ARB2A: variants seen among roughly 807,000 people sequenced by gnomAD.
The protein encoded by ARB2A is cotranscriptional regulator ARB2A.
the ARB2A span, among the ~76,000 whole-genome samples, chr5:93,962,623 CTG>C: frequency 6.6e-6 from 1 of 152,056 alleles, no homozygotes; most frequent in Non-Finnish European, 1.5e-5. Flanking sequence ...CACTCTCACT[CTG>C]AGATTTAAGA....
the ARB2A span, among the ~76,000 whole-genome samples, chr5:93,708,345 T>C: frequency 2.6e-5 from 4 of 152,210 alleles, no homozygotes; most frequent in Non-Finnish European, 5.9e-5. Context: ...ATGATAACAG[T>C]CTCATGTATG....
chr5:93,869,411 T>C, the ARB2A span, among the ~76,000 whole-genome samples: 1 of 152,136 alleles, frequency 6.6e-6, no homozygotes, highest in Non-Finnish European at 1.5e-5. Context: ...GGAGCTCAAT[T>C]TGAAGAATTA....
the ARB2A span, among the ~76,000 whole-genome samples, chr5:93,698,106 T>C: frequency 1.3e-5 from 2 of 152,214 alleles, no homozygotes; most frequent in Non-Finnish European, 2.9e-5. Flanking sequence ...GGTTGAAGTA[T>C]GTACCTTTAG....
the ARB2A span, among the ~76,000 whole-genome samples, chr5:93,947,429 T>C: frequency 6.6e-6 from 1 of 151,952 alleles, no homozygotes; most frequent in Non-Finnish European, 1.5e-5. Flanking sequence ...AATTATCTTT[T>C]ATTTTTTATT....
At chr5:93,751,006 A>G in the ARB2A span, among the ~76,000 whole-genome samples, 1 of 152,222 alleles carries the variant, frequency 6.6e-6, no homozygotes, top group Non-Finnish European at 1.5e-5. Context: ...AACTTCTGAA[A>G]TATTAGCTAA....
the ARB2A span, among the ~76,000 whole-genome samples, chr5:93,918,620 C>A: frequency 6.6e-6 from 1 of 151,850 alleles, no homozygotes; most frequent in African/African-American, 2.4e-5. Flanking sequence ...TGGGTTTTCA[C>A]CATGTTGGCC....
At chr5:93,650,335 G>T in the ARB2A span, among the ~76,000 whole-genome samples, 1 of 152,090 alleles carries the variant, frequency 6.6e-6, no homozygotes. Flanking sequence ...AACACCAAAT[G>T]GTGATTGCTG....
At chr5:93,767,525 T>A in the ARB2A span, among the ~76,000 whole-genome samples, 4 of 152,052 alleles carry the variant, frequency 2.6e-5, no homozygotes, top group Admixed American at 2.6e-4. Flanking sequence ...CACTCCTGGG[T>A]ATCTACCCAG....
At chr5:93,661,162 G>A in the ARB2A span, among the ~76,000 whole-genome samples, 2 of 152,048 alleles carry the variant, frequency 1.3e-5, no homozygotes, top group African/African-American at 4.8e-5. Context: ...GAGAAGAAAG[G>A]CATTGCATAA....
the ARB2A span, among the ~76,000 whole-genome samples, chr5:93,786,526 C>G: frequency 2.0e-5 from 3 of 152,156 alleles, no homozygotes; most frequent in Non-Finnish European, 4.4e-5. Context: ...TGGCCAAATT[C>G]CAGAAGATCT....
At chr5:93,624,481 G>T in the ARB2A span, among the ~76,000 whole-genome samples, 1 of 152,176 alleles carries the variant, frequency 6.6e-6, no homozygotes, top group South Asian at 2.1e-4. Flanking sequence ...GTATCATTTA[G>T]GAGTGGCAGG....
chr5:93,762,832 A>G, the ARB2A span, among the ~76,000 whole-genome samples: 2 of 152,274 alleles, frequency 1.3e-5, no homozygotes, highest in African/African-American at 2.4e-5. Flanking sequence ...AGGGAAGCCC[A>G]TCAGACTAAC....
the ARB2A span, among the ~76,000 whole-genome samples, chr5:94,104,490 G>C: frequency 6.6e-6 from 1 of 151,814 alleles, no homozygotes; most frequent in East Asian, 1.9e-4. Context: ...GACCAATAGT[G>C]AATTTCAAAA....
At chr5:94,103,870 T>C in the ARB2A span, among the ~76,000 whole-genome samples, 2 of 149,412 alleles carry the variant, frequency 1.3e-5, no homozygotes, top group Admixed American at 1.3e-4. Context: ...CAAAATCATA[T>C]AATTATGTGG....
chr5:94,034,235 A>C, the ARB2A span, among the ~76,000 whole-genome samples: 1 of 152,218 alleles, frequency 6.6e-6, no homozygotes, highest in African/African-American at 2.4e-5. Context: ...AAGGTCAGCT[A>C]TCTGGTAACC....
chr5:93,706,862 CA>C, the ARB2A span, among the ~76,000 whole-genome samples: 3,570 of 102,222 alleles, frequency 0.035, 90 homozygotes, highest in African/African-American at 0.093. Context: ...AAGATTCCGT[CA>C]AAAAAAAAAA....
chr5:94,039,874 C>T, the ARB2A span, among the ~76,000 whole-genome samples: 1 of 151,946 alleles, frequency 6.6e-6, no homozygotes, highest in Non-Finnish European at 1.5e-5. Context: ...AACCATCACC[C>T]CCCAACCCCG....
At chr5:94,017,733 G>A in the ARB2A span, among the ~76,000 whole-genome samples, 2 of 152,170 alleles carry the variant, frequency 1.3e-5, no homozygotes, top group Non-Finnish European at 2.9e-5. Flanking sequence ...GTGCTGATAT[G>A]ACAAATTCTC....
chr5:93,654,867 T>C, the ARB2A span, among the ~76,000 whole-genome samples: 1 of 152,248 alleles, frequency 6.6e-6, no homozygotes, highest in Non-Finnish European at 1.5e-5. Flanking sequence ...ACTGACATGT[T>C]AGTCATAGCT....
Sources: gnomAD v4.1 joint callset for allele counts (sites outside exome capture counted in the v4.1 genomes callset) on GRCh38, gnomAD v4.1.1 for gene constraint, MANE v1.5 for transcripts, NCBI Gene and HGNC (gene_info 2026-07-23, HGNC 2026-07-21) for gene names.